Variants in SCN8A observed in about 807,000 individuals in gnomAD.
SCN8A encodes sodium channel protein type 8 subunit alpha.
Under a neutral mutation model 184.1 loss-of-function variants are expected in SCN8A, and 30 were observed. The observed-to-expected ratio is 0.16, with a 90% CI of 0.12 to 0.22. The LOEUF (loss-of-function observed/expected upper bound fraction) is 0.22, where lower values mean the gene tolerates loss of function less well. SCN8A is among the 10% of genes least tolerant of loss of function. The probability of loss-of-function intolerance (pLI) is 1.00; values close to 1 mark genes in which losing one functional copy is unlikely to be tolerated. For missense variants in SCN8A, 1,057 were observed against 2,498.9 expected (o/e 0.42, Z 12.30); for synonymous variants, 852 against 907.0 (o/e 0.94, Z 1.09).
At chr12:51,737,300 A>G (rs922080416) in intron 12 of SCN8A, among the ~76,000 whole-genome samples, 1 of 152,216 alleles carries the variant, frequency 6.6e-6, no homozygotes, top group Non-Finnish European at 1.5e-5. Flanking sequence ...TTCTTGGACA[A>G]TAACACCAGT....
chr12:51,790,302 G>A (rs1447994829), intron 24 of SCN8A, 96 bp from the exon 25 acceptor site: 1 of 750,692 alleles, frequency 1.3e-6, no homozygotes, highest in Non-Finnish European at 2.2e-6. Flanking sequence ...GAAAGGGATA[G>A]GTCTCCCCTC....
At chr12:51,640,187 G>A (rs1476303813) in intron 1 of SCN8A, among the ~76,000 whole-genome samples, 2 of 125,690 alleles carry the variant, frequency 1.6e-5, no homozygotes, top group African/African-American at 6.0e-5. Flanking sequence ...CTGGGATTAC[G>A]GATATGAGCA....
intron 14 of SCN8A, among the ~76,000 whole-genome samples, chr12:51,759,610 G>A (rs1003753833): frequency 6.6e-6 from 1 of 152,186 alleles, no homozygotes; most frequent in Admixed American, 6.5e-5. Context: ...CACAGATGGG[G>A]GGTACTTCTG....
chr12:51,716,184 A>G lies in SCN8A; in HGVS notation c.1636-5362A>G, dbSNP rs535321362. 1.5e-3 allele frequency among the ~76,000 whole-genome samples: 235 copies of G among 152,266 alleles called. 1 individual carries two copies. Among genetic ancestry groups the G allele is most frequent in the African/African-American group, 5.4e-3 (225 of 41,554 alleles). On this transcript the variant is annotated intron_variant, in intron 11 of 26. Transcript: ENST00000627620. ...CCCTGTATCTACAAAAAATATAAAA[A>G]TTAGCCAGGCGTGGTATGGCACATA...
chr12:51,651,118 G>A (rs1940703881), intron 1 of SCN8A, among the ~76,000 whole-genome samples: 1 of 152,192 alleles, frequency 6.6e-6, no homozygotes, highest in Admixed American at 6.5e-5. Flanking sequence ...GGCGGGCCAG[G>A]TGTTCCTTGC....
chr12:51,721,190 G>A (rs1263395006), intron 11 of SCN8A, among the ~76,000 whole-genome samples: 4 of 145,374 alleles, frequency 2.8e-5, no homozygotes, highest in Admixed American at 6.9e-5. Context: ...CCAGTGTGGC[G>A]TAGTCTAACT....
At chr12:51,802,387 G>A (rs921061659) in intron 26 of SCN8A, among the ~76,000 whole-genome samples, 45 of 148,286 alleles carry the variant, frequency 3.0e-4, no homozygotes, top group African/African-American at 1.0e-3. Context: ...AGTGTCCCCA[G>A]CTTCATCAGG....
At chr12:51,798,703 A>G (rs1455451174) in intron 26 of SCN8A, among the ~76,000 whole-genome samples, 5 of 152,136 alleles carry the variant, frequency 3.3e-5, no homozygotes, top group Non-Finnish European at 5.9e-5. Flanking sequence ...TGTCCACAGA[A>G]TGAGTCATCC....
intron 26 of SCN8A, among the ~76,000 whole-genome samples, chr12:51,799,655 A>G (rs905924328): frequency 1.3e-5 from 2 of 152,192 alleles, no homozygotes; most frequent in Non-Finnish European, 2.9e-5. Context: ...GACCTATTGC[A>G]GAGCCTTCTC....
chr12:51,702,321 CAAA>C (rs747855764), intron 8 of SCN8A, among the ~76,000 whole-genome samples: 13 of 76,544 alleles, frequency 1.7e-4, no homozygotes, highest in Admixed American at 2.8e-4. Flanking sequence ...GACTCTGTAT[CAAA>C]AAAAAAAAAA....
At chr12:51,780,565 CTTTTTTTTTTTTTTTTTTTTTTTTTTT>C (rs528514747) in intron 20 of SCN8A, 57 bp from the exon 21 acceptor site, 22 of 297,804 alleles carry the variant, frequency 7.4e-5, no homozygotes, top group African/African-American at 6.6e-4. Context: ...TGTTTTCTTT[CTTTTTTTTTTTTTTTTTTTTTTTTTTT>C]TTTTTTTTTT....
intron 6 of SCN8A, among the ~76,000 whole-genome samples, chr12:51,698,528 T>C (rs946853487): frequency 6.6e-6 from 1 of 152,188 alleles, no homozygotes; most frequent in Non-Finnish European, 1.5e-5. Flanking sequence ...TAGCCTGATA[T>C]CTGGGCACGT....
At chr12:51,683,439 T>C (rs894978613) in intron 2 of SCN8A, among the ~76,000 whole-genome samples, 1 of 152,180 alleles carries the variant, frequency 6.6e-6, no homozygotes, top group African/African-American at 2.4e-5. Context: ...AGGCTGATAT[T>C]GGGGGCTCTT....
intron 6 of SCN8A, among the ~76,000 whole-genome samples, 161 bp from the exon 7 acceptor site, chr12:51,699,409 A>G (rs1477340295): frequency 6.6e-6 from 1 of 152,188 alleles, no homozygotes; most frequent in African/African-American, 2.4e-5. Flanking sequence ...AATATTGATA[A>G]TTTTGCTGAC....
At chr12:51,685,284 G>GA (rs558202339) in intron 3 of SCN8A, among the ~76,000 whole-genome samples, 34 of 151,078 alleles carry the variant, frequency 2.3e-4, no homozygotes, top group Non-Finnish European at 4.4e-4. Context: ...CTGTAATGAA[G>GA]AAAAAAAAAT....
intron 1 of SCN8A, among the ~76,000 whole-genome samples, chr12:51,616,918 C>CAA (rs200949853): frequency 9.3e-6 from 1 of 107,388 alleles, no homozygotes. Context: ...GACCCTGTCT[C>CAA]AAAAAAAAAA....
chr12:51,688,869 G>C, intron 5 of SCN8A, 136 bp from the exon 6 acceptor site: 1 of 1,603,270 alleles, frequency 6.2e-7, no homozygotes, highest in Non-Finnish European at 8.5e-7. Context: ...TCCGGGGTTG[G>C]TGTTAGGTGT....
intron 1 of SCN8A, among the ~76,000 whole-genome samples, chr12:51,622,755 A>G (rs1939990820): frequency 6.6e-6 from 1 of 152,160 alleles, no homozygotes; most frequent in Admixed American, 6.6e-5. Context: ...GCAATGGGTC[A>G]CCAAGTCCAG....
chr12:51,700,350 A>G (rs1941667148), intron 7 of SCN8A, among the ~76,000 whole-genome samples: 1 of 152,236 alleles, frequency 6.6e-6, no homozygotes, highest in African/African-American at 2.4e-5. Flanking sequence ...TTTGAAATTC[A>G]GGCTTAGAAG....
Sources: allele counts gnomAD v4.1 joint callset (sites outside exome capture counted in the v4.1 genomes callset), GRCh38; gene constraint gnomAD v4.1.1; transcripts MANE v1.5; gene names NCBI Gene and HGNC (gene_info 2026-07-23, HGNC 2026-07-21).